POMT1: variants seen among roughly 807,000 people sequenced by gnomAD.
The protein encoded by POMT1 is protein O-mannosyltransferase 1.
Under a neutral mutation model 101.6 loss-of-function variants are expected in POMT1, and 85 were observed. That is an observed-to-expected ratio of 0.84 (90% confidence interval 0.70 to 1.00). The LOEUF (loss-of-function observed/expected upper bound fraction) is 1.00, where lower values mean the gene tolerates loss of function less well. Among genes scored for constraint, POMT1 ranks in the 50% least tolerant of loss-of-function variants. The pLI, the probability that POMT1 is intolerant of heterozygous loss-of-function variation, is 0.00. For synonymous variants in POMT1, 371 were observed against 383.0 expected (o/e 0.97, Z 0.37); for missense variants, 857 against 930.4 (o/e 0.92, Z 1.03).
chr9:131,511,899 C>T, intron 10 of POMT1, 142 bp from the exon 11 acceptor site: 3 of 794,142 alleles, frequency 3.8e-6, no homozygotes, highest in South Asian at 2.9e-5. Context: ...TAAATAGACA[C>T]AGGGTCTCAC....
chr9:131,514,147 G>A (rs908120845), intron 12 of POMT1, among the ~76,000 whole-genome samples: 1 of 152,146 alleles, frequency 6.6e-6, no homozygotes, highest in Non-Finnish European at 1.5e-5. Context: ...CCTGGGTAGG[G>A]GTCCTTCCTT....
At chr9:131,504,051 C>A in intron 1 of POMT1, 138 bp from the exon 2 acceptor site, 1 of 973,638 alleles carries the variant, frequency 1.0e-6, no homozygotes, top group South Asian at 1.4e-5. Flanking sequence ...TGAACCAAGG[C>A]TCCAGGAACT....
At chr9:131,504,925 C>T (rs1945447505) in intron 2 of POMT1, among the ~76,000 whole-genome samples, 1 of 151,830 alleles carries the variant, frequency 6.6e-6, no homozygotes, top group African/African-American at 2.4e-5. Context: ...TTACAGGTGC[C>T]CGCCACCACA....
intron 18 of POMT1, 91 bp downstream of exon 18, chr9:131,521,563 T>G: frequency 7.0e-7 from 1 of 1,438,518 alleles, no homozygotes; most frequent in Non-Finnish European, 9.7e-7. Context: ...CTCCTGGGCT[T>G]AAGCGATCCT....
Position 131,510,628 on chromosome 9 carries a change from C to T in POMT1, c.855+213C>T. 3 of 651,334 alleles carry T rather than the reference C, an allele frequency of 4.6e-6. No individual in the cohort carries two copies. The South Asian group carries it at 5.5e-5, about 12-fold the overall frequency. 40.3% of individuals were successfully genotyped at this position (651,334 alleles called of 1,614,324 possible). A position where few individuals can be genotyped will look rare whatever the true frequency, so the allele number is the denominator to read the frequency against. On this transcript the variant is annotated intron_variant, in intron 9 of 19. Coordinates refer to ENST00000402686, the MANE Select transcript of POMT1 (RefSeq NM_001077365.2). ...AAGCGATTCTCCTACCTCAGCCTCC[C>T]AAGTAGCTGGTATTACAAGCACCTG...
At chr9:131,505,945 G>A (rs374281360) in intron 2 of POMT1, among the ~76,000 whole-genome samples, 169 bp from the exon 3 acceptor site, 1 of 152,170 alleles carries the variant, frequency 6.6e-6, no homozygotes, top group Non-Finnish European at 1.5e-5. Context: ...GGGTGATGCT[G>A]TATGCATCTT....
chr9:131,519,614 A>C lies in POMT1; in HGVS notation c.1584+128A>C. Reference sequence around the variant, plus strand: ...CGCTGGAGCTACAGGCTCACAACAGAATGAGTGTCTCCTCTCTCCAGTGTA... The same window carrying C: ...CGCTGGAGCTACAGGCTCACAACAGCATGAGTGTCTCCTCTCTCCAGTGTA... On this transcript the variant is annotated intron_variant, in intron 16 of 19. Coordinates refer to ENST00000402686, the MANE Select transcript of POMT1 (RefSeq NM_001077365.2). This position sits in a 1 kb window ranked among gnomAD's most constrained non-coding sequence, Gnocchi z 4.3. The C allele has an allele frequency of 1.1e-6, 1 of 887,470 alleles. No homozygotes were observed. The highest frequency in any genetic ancestry group is 1.8e-6 in the Non-Finnish European group (1 of 558,244). 55.0% of individuals were successfully genotyped at this position (887,470 alleles called of 1,614,324 possible).
At position 131,523,586 on chromosome 9, in the gene POMT1, CT is replaced by C; in HGVS notation, c.*481del. ...GGACAGCTCAGTGTTGGAGGGCCAC[CT>C]GAACCACGAGCCAGGGCTGGGGCTT... On this transcript the variant is annotated 3_prime_UTR_variant, in exon 20 of 20. Transcript: ENST00000402686. 4.5e-6 allele frequency: 1 copy of C among 221,406 alleles called. No individual in the cohort carries two copies. 13.7% of individuals were successfully genotyped at this position (221,406 alleles called of 1,614,324 possible).
At chr9:131,509,358 C>T (rs887677797) in intron 6 of POMT1, among the ~76,000 whole-genome samples, 1 of 152,126 alleles carries the variant, frequency 6.6e-6, no homozygotes, top group African/African-American at 2.4e-5. Flanking sequence ...ACCATATTGG[C>T]CAGGCTGGTC....
intron 4 of POMT1, chr9:131,506,668 G>A (rs1012913658): frequency 1.7e-6 from 1 of 594,648 alleles, no homozygotes. Flanking sequence ...CTGTTCAGTT[G>A]CAGTCATTAT....
At position 131,510,007 on chromosome 9, in the gene POMT1, A is replaced by T. The variant is rs1489668626; in HGVS notation, c.699+11A>T. Reference sequence around the variant, plus strand: ...CAGACTTTGTCCAATGTAGGTGCTGATGTCCAGTGCTGCATGAGGCCGGCC... The same window carrying T: ...CAGACTTTGTCCAATGTAGGTGCTGTTGTCCAGTGCTGCATGAGGCCGGCC... On this transcript the variant is annotated intron_variant, in intron 8 of 19. Transcript: ENST00000402686. 1 of 1,614,070 alleles carries T rather than the reference A, an allele frequency of 6.2e-7. No homozygotes were observed. The highest frequency in any genetic ancestry group is 1.3e-5 in the African/African-American group (1 of 74,932).
rs527606026 is a variant in POMT1, at chr9:131,522,834, C to T, written c.2004-98C>T. 63 of 1,295,498 alleles carry T rather than the reference C, an allele frequency of 4.9e-5. No individual in the cohort carries two copies. Among genetic ancestry groups the T allele is most frequent in the South Asian group, 1.5e-4 (12 of 78,778 alleles). 80.3% of individuals were successfully genotyped at this position (1,295,498 alleles called of 1,614,324 possible). The stretch of plus-strand genomic sequence containing the variant: ...AACCTGAAGGCAGAACCCCAGGCCT[C>T]GGGGGGTGACCGTGTGGACAGCAGA... On this transcript the variant is annotated intron_variant, in intron 19 of 19. Coordinates refer to ENST00000402686, the MANE Select transcript of POMT1 (RefSeq NM_001077365.2). The surrounding 1 kb of genome is among the most constrained non-coding windows in gnomAD (Gnocchi z 5.5).
chr9:131,519,937 T>A lies in POMT1; in HGVS notation c.1585-143T>A. On this transcript the variant is annotated intron_variant, in intron 16 of 19. Transcript: ENST00000402686. The surrounding 1 kb of genome is among the most constrained non-coding windows in gnomAD (Gnocchi z 4.3). ...AGGGCTGGAATCCAGGTTCTCATCA[T>A]GCTGCCTCCGATGCATGATCCGAAT... The A allele has an allele frequency of 2.8e-6, 2 of 715,276 alleles. No homozygotes were observed. The highest frequency in any genetic ancestry group is 2.7e-5 in the East Asian group (1 of 37,092). 44.3% of individuals were successfully genotyped at this position (715,276 alleles called of 1,614,324 possible).
At chr9:131,518,252 C>G (rs1215729304) in intron 13 of POMT1, 193 bp from the exon 14 acceptor site, 1 of 715,662 alleles carries the variant, frequency 1.4e-6, no homozygotes, top group African/African-American at 1.7e-5. Flanking sequence ...CCCAGCGACC[C>G]TCGGAGCAGC....
At chr9:131,507,274 T>A in intron 4 of POMT1, 94 bp from the exon 5 acceptor site, 9 of 1,589,370 alleles carry the variant, frequency 5.7e-6, no homozygotes, top group Non-Finnish European at 7.7e-6. Context: ...TTAGAGTCTG[T>A]GAACATGACG....
At chr9:131,514,814 G>C (rs1001616712) in intron 12 of POMT1, among the ~76,000 whole-genome samples, 2 of 152,210 alleles carry the variant, frequency 1.3e-5, no homozygotes, top group Non-Finnish European at 2.9e-5. Flanking sequence ...AAATTAGCCA[G>C]GCATGGTGGC....
chr9:131,507,271 C>T (rs982976681), intron 4 of POMT1, 97 bp from the exon 5 acceptor site: 7 of 1,580,714 alleles, frequency 4.4e-6, no homozygotes, highest in East Asian at 4.5e-5. Flanking sequence ...ATTTTAGAGT[C>T]TGTGAACATG....
intron 10 of POMT1, 133 bp from the exon 11 acceptor site, chr9:131,511,908 A>T: frequency 2.4e-6 from 2 of 845,988 alleles, no homozygotes; most frequent in Non-Finnish European, 3.9e-6. Context: ...ACAGGGTCTC[A>T]CTATGTTGCC....
At chr9:131,517,074 C>G (rs1948840926) in intron 13 of POMT1, 1 of 152,302 alleles carries the variant, frequency 6.6e-6, no homozygotes, top group Non-Finnish European at 1.5e-5. Context: ...ACAGTGAAGG[C>G]ACTGGGCTTA....
Sources: allele counts gnomAD v4.1 joint callset (sites outside exome capture counted in the v4.1 genomes callset), GRCh38; gene constraint gnomAD v4.1.1; non-coding constraint Gnocchi (gnomAD v3.1); transcripts MANE v1.5; gene names NCBI Gene and HGNC (gene_info 2026-07-23, HGNC 2026-07-21).